The following GIGYF2 variants were observed in gnomAD, a reference collection of about 807,000 sequenced individuals.
The protein encoded by GIGYF2 is GRB10 interacting GYF protein 2, also known as GRB10-interacting GYF protein 2.
In GIGYF2, 25 loss-of-function variants were observed where a neutral mutation model predicts 208.1. That is an observed-to-expected ratio of 0.12 (90% confidence interval 0.09 to 0.17). The LOEUF is 0.17. GIGYF2 is among the 10% of genes least tolerant of loss of function. GIGYF2 has a pLI of 1.00. For synonymous variants in GIGYF2, 534 were observed against 543.8 expected, an observed-to-expected ratio of 0.98 and a Z score of 0.25; for missense variants, 1,302 against 1,579.4, an observed-to-expected ratio of 0.82 and a Z score of 2.98.
chr2:232,854,978 T>TTCA (rs1398504199), intron 28 of GIGYF2, among the ~76,000 whole-genome samples: 1 of 152,160 alleles, frequency 6.6e-6, no homozygotes, highest in Non-Finnish European at 1.5e-5. Context: ...AGAGGCATTG[T>TTCA]TCATCATTTT....
intron 2 of GIGYF2, among the ~76,000 whole-genome samples, chr2:232,732,842 C>G (rs1697563412): frequency 6.6e-6 from 1 of 152,046 alleles, no homozygotes; most frequent in Non-Finnish European, 1.5e-5. Context: ...GTTGCCCAGG[C>G]TGGTCTTGAA....
chr2:232,756,197 CTTTTTTTTTTTTTT>C lies in GIGYF2; in HGVS notation c.268-19_268-6del. 10 of 709,936 alleles carry C rather than the reference CTTTTTTTTTTTTTT, an allele frequency of 1.4e-5. 1 individual carries two copies. The highest frequency in any genetic ancestry group is 1.8e-5 in the Non-Finnish European group (8 of 454,706). 44.0% of individuals were successfully genotyped at this position (709,936 alleles called of 1,614,324 possible). A position where few individuals can be genotyped will look rare whatever the true frequency, so the allele number is the denominator to read the frequency against. ...TTTTCTTTCTTTTTTTCCTTTTTCT[CTTTTTTTTTTTTTT>C]TTTTTTGGCAGAGAAACTTTTCCAT... On this transcript the variant is annotated splice_polypyrimidine_tract_variant and intron_variant, in intron 5 of 28. Coordinates refer to ENST00000373563, the MANE Select transcript of GIGYF2 (RefSeq NM_001103146.3).
intron 2 of GIGYF2, chr2:232,729,450 T>G: frequency 1.4e-6 from 1 of 737,364 alleles, no homozygotes; most frequent in Non-Finnish European, 2.0e-6. Context: ...ATAACTTGGT[T>G]TATTATTTTT....
intron 22 of GIGYF2, among the ~76,000 whole-genome samples, chr2:232,837,896 G>A (rs1021078423): frequency 2.6e-5 from 4 of 152,198 alleles, no homozygotes; most frequent in Non-Finnish European, 4.4e-5. Flanking sequence ...ATGTAAGGTA[G>A]CAATGTCAGC....
chr2:232,803,291 C>CTATT (rs1700455815), intron 14 of GIGYF2, among the ~76,000 whole-genome samples: 2 of 152,146 alleles, frequency 1.3e-5, no homozygotes, highest in South Asian at 4.1e-4. Flanking sequence ...ATTTCATTCT[C>CTATT]TTAATAGAGT....
chr2:232,706,500 G>T (rs1407059254), intron 2 of GIGYF2, among the ~76,000 whole-genome samples: 1 of 152,084 alleles, frequency 6.6e-6, no homozygotes, highest in Non-Finnish European at 1.5e-5. Context: ...AGTTTGGCTG[G>T]GGCGTGGTGG....
intron 2 of GIGYF2, among the ~76,000 whole-genome samples, chr2:232,721,590 C>T (rs1284314507): frequency 1.3e-5 from 2 of 152,112 alleles, no homozygotes; most frequent in East Asian, 3.9e-4. Context: ...TGCTGTTGTT[C>T]CTTTATGCAG....
rs1444439740 is a variant in GIGYF2, at chr2:232,735,243, GT to G, written c.41+9del. ...ACTGAACTTTGGGCCTGAATGGTGA[GT>G]TTTCAAAATCTCATCTTCTTTGATA... On this transcript the variant is annotated splice_donor_region_variant and intron_variant, in intron 3 of 28. Coordinates refer to ENST00000373563, the MANE Select transcript of GIGYF2 (RefSeq NM_001103146.3). 12 of 1,596,518 alleles carry G rather than the reference GT, an allele frequency of 7.5e-6. No homozygotes were observed. The highest frequency in any genetic ancestry group is 1.3e-5 in the African/African-American group (1 of 74,626).
chr2:232,729,506 A>T, intron 2 of GIGYF2: 1 of 1,216,684 alleles, frequency 8.2e-7, no homozygotes, highest in Non-Finnish European at 1.1e-6. Flanking sequence ...TTTAAATGCC[A>T]TGACCCAGGA....
At chr2:232,794,700 A>G (rs1360703734) in intron 12 of GIGYF2, 48 bp from the exon 13 acceptor site, 2 of 1,431,100 alleles carry the variant, frequency 1.4e-6, no homozygotes, top group Admixed American at 3.3e-5. Flanking sequence ...TAGCCTTCAC[A>G]GAAGTCTCTG....
intron 22 of GIGYF2, 137 bp downstream of exon 22, chr2:232,833,230 T>G (rs1464243107): frequency 2.6e-6 from 1 of 382,738 alleles, no homozygotes; most frequent in Non-Finnish European, 4.4e-6. Context: ...ATTTATTTAT[T>G]TTTGAGACTG....
chr2:232,731,921 G>A (rs774208674), intron 2 of GIGYF2, among the ~76,000 whole-genome samples: 1 of 151,624 alleles, frequency 6.6e-6, no homozygotes. Flanking sequence ...AATAAGAATG[G>A]ATTTTTATTA....
intron 21 of GIGYF2, among the ~76,000 whole-genome samples, chr2:232,822,829 C>T (rs892718224): frequency 6.6e-6 from 1 of 152,066 alleles, no homozygotes; most frequent in Non-Finnish European, 1.5e-5. Flanking sequence ...TTGTTGATTC[C>T]TTAGGATTTT....
In GIGYF2 at chr2:232,858,783, T is replaced by G; in HGVS notation, c.*1923T>G. On this transcript the variant is annotated 3_prime_UTR_variant, in exon 29 of 29. Coordinates refer to ENST00000373563, the MANE Select transcript of GIGYF2 (RefSeq NM_001103146.3). ...ACGTAGCACTGGCTGGTTCTGTATT[T>G]GAGAATGTAGAGGTCAAGGCAGATG... is the stretch of plus-strand genomic sequence containing the variant. The G allele has an allele frequency of 3.0e-6, 1 of 332,774 alleles. No homozygotes were observed. The highest frequency in any genetic ancestry group is 5.9e-6 in the Non-Finnish European group (1 of 169,448). 20.6% of individuals were successfully genotyped at this position (332,774 alleles called of 1,614,324 possible). A position where few individuals can be genotyped will look rare whatever the true frequency, so the allele number is the denominator to read the frequency against.
intron 21 of GIGYF2, among the ~76,000 whole-genome samples, chr2:232,831,665 G>A (rs1701428261): frequency 6.6e-6 from 1 of 152,210 alleles, no homozygotes; most frequent in African/African-American, 2.4e-5. Context: ...TTGCTTCAGT[G>A]ATTCAGTGAA....
At chr2:232,781,368 A>T (rs970544323) in intron 8 of GIGYF2, among the ~76,000 whole-genome samples, 1 of 14,776 alleles carries the variant, frequency 6.8e-5, no homozygotes, top group African/African-American at 2.8e-4. Context: ...CCACCCACCC[A>T]TCCAAATTTA....
intron 2 of GIGYF2, among the ~76,000 whole-genome samples, chr2:232,734,930 T>G (rs1697670395): frequency 6.6e-6 from 1 of 152,198 alleles, no homozygotes; most frequent in African/African-American, 2.4e-5. Flanking sequence ...CTGTGCCTCC[T>G]TACCCCAGAT....
chr2:232,730,018 A>ATGCC lies in GIGYF2; in HGVS notation c.-43-5137_-43-5136insTGCC, dbSNP rs1457001262. 5.0e-6 allele frequency: 4 copies of ATGCC among 793,884 alleles called. No homozygotes were observed. The African/African-American group carries it at 5.1e-5, about 10-fold the overall frequency. The allele number at this position is 793,884 out of a possible 1,614,324, so 49.2% of individuals were successfully genotyped here. A position where few individuals can be genotyped will look rare whatever the true frequency, so the allele number is the denominator to read the frequency against. On this transcript the variant is annotated intron_variant, in intron 2 of 28. Coordinates refer to ENST00000373563, the MANE Select transcript of GIGYF2 (RefSeq NM_001103146.3). The stretch of plus-strand genomic sequence containing the variant: ...AGGCTGGCCTTTTCTTTTTCGTAAG[A>ATGCC]CTTGATGTGATTATACCAACGAAGG...
At chr2:232,772,761 G>C (rs1363018464) in intron 8 of GIGYF2, among the ~76,000 whole-genome samples, 1 of 152,168 alleles carries the variant, frequency 6.6e-6, no homozygotes, top group Non-Finnish European at 1.5e-5. Context: ...TTCCTTTAGA[G>C]GTAGATACCC....
Sources: allele counts gnomAD v4.1 joint callset (sites outside exome capture counted in the v4.1 genomes callset), GRCh38; gene constraint gnomAD v4.1.1; transcripts MANE v1.5; gene names NCBI Gene and HGNC (gene_info 2026-07-23, HGNC 2026-07-21).